Variants in RHOD observed in about 807,000 individuals in gnomAD.
RHOD encodes rho-related GTP-binding protein RhoD.
Under a neutral mutation model 16.7 loss-of-function variants are expected in RHOD, and 11 were observed. The ratio of observed to expected loss-of-function variants is 0.66; its 90% CI spans 0.41 to 1.09. RHOD has a LOEUF of 1.09. Ranked by LOEUF, RHOD falls within the 50% of genes least tolerant of loss-of-function variation. RHOD has a pLI of 0.00. For missense variants in RHOD, 271 were observed against 291.7 expected (o/e 0.93, Z 0.52); for synonymous variants, 124 against 126.3 (o/e 0.98, Z 0.12).
At chr11:67,059,869 C>T (rs1315302074) in intron 1 of RHOD, among the ~76,000 whole-genome samples, 1 of 152,260 alleles carries the variant, frequency 6.6e-6, no homozygotes, top group Non-Finnish European at 1.5e-5. Flanking sequence ...GCTGGAGTCC[C>T]ATCTCCCAGA....
chr11:67,065,721 G>A (rs768290898), intron 1 of RHOD, among the ~76,000 whole-genome samples, 175 bp from the exon 2 acceptor site: 1 of 152,146 alleles, frequency 6.6e-6, no homozygotes, highest in Non-Finnish European at 1.5e-5. Flanking sequence ...AGGTTCAGGA[G>A]TTTGCAAAAG....
chr11:67,064,683 TGAACAAAGCAAG>T (rs1854937012), intron 1 of RHOD, among the ~76,000 whole-genome samples: 1 of 151,990 alleles, frequency 6.6e-6, no homozygotes, highest in South Asian at 2.1e-4. Context: ...AATGAACAAA[TGAACAAAGCAAG>T]GAATGAATAA....
At chr11:67,063,490 CTTTT>C (rs1233216193) in intron 1 of RHOD, among the ~76,000 whole-genome samples, 6,446 of 124,956 alleles carry the variant, frequency 0.052, 297 homozygotes, top group African/African-American at 0.13. Flanking sequence ...GAGACCCTAT[CTTTT>C]TTTTTTTTTT....
chr11:67,064,454 G>T (rs548639648), intron 1 of RHOD, among the ~76,000 whole-genome samples: 2 of 151,646 alleles, frequency 1.3e-5, no homozygotes, highest in African/African-American at 2.4e-5. Flanking sequence ...GTAGAGGGGC[G>T]CATTGGGGCA....
chr11:67,064,468 T>TG (rs1854935287), intron 1 of RHOD, among the ~76,000 whole-genome samples: 1 of 150,826 alleles, frequency 6.6e-6, no homozygotes, highest in South Asian at 2.1e-4. Context: ...TGGGGCATTC[T>TG]GGTAAGGGAT....
At chr11:67,061,632 CAA>C (rs56111361) in intron 1 of RHOD, among the ~76,000 whole-genome samples, 50 of 90,770 alleles carry the variant, frequency 5.5e-4, no homozygotes, top group East Asian at 9.1e-4. Flanking sequence ...AACTCTGTCT[CAA>C]AAAAAAAAAA....
intron 3 of RHOD, among the ~76,000 whole-genome samples, chr11:67,067,549 G>A (rs540391442): frequency 5.3e-5 from 8 of 152,172 alleles, no homozygotes; most frequent in Non-Finnish European, 1.2e-4. Context: ...ATCTATTAAA[G>A]TGGTAACACT....
At chr11:67,060,388 AT>A (rs1168156220) in intron 1 of RHOD, among the ~76,000 whole-genome samples, 6 of 152,248 alleles carry the variant, frequency 3.9e-5, no homozygotes, top group Admixed American at 6.5e-5. Context: ...ATTAGGTGCC[AT>A]TGATCCCATG....
intron 3 of RHOD, among the ~76,000 whole-genome samples, chr11:67,067,541 C>G (rs1049061050): frequency 1.3e-5 from 2 of 152,188 alleles, no homozygotes; most frequent in African/African-American, 4.8e-5. Flanking sequence ...AGATACACAT[C>G]TATTAAAGTG....
chr11:67,071,611 G>T lies in RHOD; in HGVS notation c.*9G>T, dbSNP rs745396430. The T allele has an allele frequency of 2.5e-6, 4 of 1,583,716 alleles. No homozygotes were observed. In the Admixed American group the frequency reaches 7.0e-5, roughly 28 times the overall value. On this transcript the variant is annotated 3_prime_UTR_variant, in exon 5 of 5. Coordinates refer to ENST00000308831, the MANE Select transcript of RHOD (RefSeq NM_014578.4). ...TTTGCGTGGTGACCTGAGCGGCTCG[G>T]GGCGTCCCAGCGACGCGGGAAGGGG...
At chr11:67,062,930 C>T (rs1320399135) in intron 1 of RHOD, among the ~76,000 whole-genome samples, 1 of 152,230 alleles carries the variant, frequency 6.6e-6, no homozygotes, top group East Asian at 1.9e-4. Flanking sequence ...AAAGCTCCCT[C>T]TTCATTCCTG....
rs766985425 is a variant in RHOD at position 67,070,406 on chromosome 11, C to T, written c.331-19C>T. The T allele has an allele frequency of 1.3e-5, 21 of 1,612,846 alleles. No homozygotes were observed. The highest frequency in any genetic ancestry group is 1.7e-5 in the Non-Finnish European group (20 of 1,179,292). ...AGGGCTCACACATGCCCCCCACATG[C>T]CCCCTCGCCCCCCTGCAGTGGTACC... On this transcript the variant is annotated intron_variant, in intron 3 of 4. Transcript: ENST00000308831.
rs1555071110 is a variant in RHOD, at chr11:67,061,774, A to ATATG, written c.133-4121_133-4120insATGT. Among the ~76,000 whole-genome samples the ATATG allele has an allele frequency of 2.5e-3, 347 of 136,428 alleles. 3 individuals are homozygous for ATATG. Among genetic ancestry groups the ATATG allele is most frequent in the African/African-American group, 9.4e-3 (337 of 35,904 alleles). 89.5% of individuals were successfully genotyped at this position (136,428 alleles called of 152,430 possible). ...AAAAAAAATATATATATATATATAT[A>ATATG]TGTGTGTGTGTGTGTGTATATATAT... is the stretch of plus-strand genomic sequence containing the variant. On this transcript the variant is annotated intron_variant, in intron 1 of 4. Coordinates refer to ENST00000308831, the MANE Select transcript of RHOD (RefSeq NM_014578.4).
rs1393275479 is a variant in RHOD at position 67,065,996 on chromosome 11, G to T, written c.220+13G>T. ...TGGGACACAGCAGGTGGGTGTGCAGGGGTGGGGCAGGGTGGGAGGGGCTTC... is the reference window on the plus strand; with the variant it reads ...TGGGACACAGCAGGTGGGTGTGCAGTGGTGGGGCAGGGTGGGAGGGGCTTC... On this transcript the variant is annotated intron_variant, in intron 2 of 4. Transcript: ENST00000308831. 2 of 1,431,588 alleles carry T rather than the reference G, an allele frequency of 1.4e-6. No individual in the cohort carries two copies. Among genetic ancestry groups the T allele is most frequent in the Middle Eastern group, 1.8e-4 (1 of 5,654 alleles). The allele number at this position is 1,431,588 out of a possible 1,614,324, so 88.7% of individuals were successfully genotyped here.
At chr11:67,061,707 C>CT (rs1854889072) in intron 1 of RHOD, among the ~76,000 whole-genome samples, 1 of 93,566 alleles carries the variant, frequency 1.1e-5, no homozygotes, top group African/African-American at 5.7e-5. Context: ...GCACTCCAGC[C>CT]TGTCCAGGAG....
chr11:67,065,812 G>A (rs953596050), intron 1 of RHOD, 84 bp from the exon 2 acceptor site: 12 of 861,146 alleles, frequency 1.4e-5, no homozygotes, highest in African/African-American at 3.3e-5. Context: ...GACCCCCAAG[G>A]AGGGAGCAGC....
chr11:67,061,139 T>C (rs185011401), intron 1 of RHOD, among the ~76,000 whole-genome samples: 260 of 152,344 alleles, frequency 1.7e-3, no homozygotes, highest in African/African-American at 5.6e-3. Context: ...GCACTTCTTA[T>C]GTGGCAGCAG....
chr11:67,061,659 G>T (rs1344612849), intron 1 of RHOD, among the ~76,000 whole-genome samples: 2 of 146,414 alleles, frequency 1.4e-5, no homozygotes, highest in Admixed American at 1.4e-4. Context: ...AATCAAACCC[G>T]GGAGGCGGAC....
At chr11:67,068,290 A>G (rs1281795858) in intron 3 of RHOD, among the ~76,000 whole-genome samples, 1 of 152,196 alleles carries the variant, frequency 6.6e-6, no homozygotes, top group African/African-American at 2.4e-5. Context: ...TTTAGAAGCT[A>G]CGGGTGCAGT....
Sources: allele counts gnomAD v4.1 joint callset (sites outside exome capture counted in the v4.1 genomes callset), GRCh38; gene constraint gnomAD v4.1.1; transcripts MANE v1.5; gene names NCBI Gene and HGNC (gene_info 2026-07-23, HGNC 2026-07-21).